The following FGFR4 variants were observed in gnomAD, a reference collection of about 807,000 sequenced individuals.
FGFR4 encodes hydroxyaryl-protein kinase.
Under a neutral mutation model 89.9 loss-of-function variants are expected in FGFR4, and 63 were observed. The observed-to-expected ratio is 0.70, with a 90% CI of 0.57 to 0.86. The LOEUF is 0.86. FGFR4 is among the 40% of genes least tolerant of loss of function. FGFR4 has a pLI of 0.00. For synonymous variants in FGFR4, 486 were observed against 479.4 expected (o/e 1.01, Z -0.18); for missense variants, 928 against 1,106.7 (o/e 0.84, Z 2.29).
Position 177,092,316 on chromosome 5 carries a change from C to T in FGFR4, c.728-5C>T, listed in dbSNP as rs753822131. 5 of 1,562,570 alleles carry T rather than the reference C, an allele frequency of 3.2e-6. 1 individual carries two copies. The South Asian group carries it at 5.8e-5, about 18-fold the overall frequency. On this transcript the variant is annotated splice_region_variant and splice_polypyrimidine_tract_variant and intron_variant, in intron 6 of 17. Transcript: ENST00000292408. Reference sequence around the variant, plus strand: ...TCAGGGTTGACTGTCTCGCCCGGTCCCCAGAGCGGTCCCCGCACCGGCCCA... The same window carrying T: ...TCAGGGTTGACTGTCTCGCCCGGTCTCCAGAGCGGTCCCCGCACCGGCCCA...
In FGFR4 at chr5:177,087,625, G is replaced by A; in HGVS notation, c.-54+548G>A. The A allele has an allele frequency of 2.0e-6, 2 of 985,338 alleles. No individual in the cohort carries two copies. Among genetic ancestry groups the A allele is most frequent in the Non-Finnish European group, 1.2e-6 (1 of 829,924 alleles). 61.0% of individuals were successfully genotyped at this position (985,338 alleles called of 1,614,324 possible). A position where few individuals can be genotyped will look rare whatever the true frequency, so the allele number is the denominator to read the frequency against. On this transcript the variant is annotated intron_variant, in intron 1 of 17. Transcript: ENST00000292408. This position sits in a 1 kb window ranked among gnomAD's most constrained non-coding sequence, Gnocchi z 6.1. The stretch of plus-strand genomic sequence containing the variant: ...ACTCGACTAAGGACTCTGATATCAG[G>A]GCAGCCTGGGGTAGGAATAAACTCC...
intron 5 of FGFR4, 145 bp downstream of exon 5, chr5:177,091,249 G>T: frequency 9.6e-7 from 1 of 1,037,824 alleles, no homozygotes; most frequent in Non-Finnish European, 1.4e-6. Flanking sequence ...GTGGACCTGG[G>T]CAGCTCTGGT....
At chr5:177,090,092 T>G in intron 2 of FGFR4, 1 of 673,360 alleles carries the variant, frequency 1.5e-6, no homozygotes, top group Non-Finnish European at 2.7e-6. Context: ...ACCAACAGCA[T>G]GTGCCTTGTG....
chr5:177,093,437 C>T lies in FGFR4; in HGVS notation c.1283C>T (p.Ser428Leu). ...CTGGAGTCAGGCTCTTCCGGCAAGT[C>T]AAGCTCATCCCTGGTACGAGGCGTG... ...FSLESGSSGKSSSSLVRGVRL... is the reference protein window; with the variant it reads ...FSLESGSSGKLSSSLVRGVRL... Residue 428 changes from serine (S) to leucine (L), a missense_variant, in exon 10 of 18, where the codon TCA (serine) becomes TTA (leucine). By Grantham distance (145) the Ser-to-Leu change is moderately radical. Transcript: ENST00000292408. This position sits in a 1 kb window ranked among gnomAD's most constrained non-coding sequence, Gnocchi z 5.8. 1 of 1,614,094 alleles carries T rather than the reference C, an allele frequency of 6.2e-7. No homozygotes were observed. The highest frequency in any genetic ancestry group is 1.3e-5 in the African/African-American group (1 of 75,066).
At position 177,092,303 on chromosome 5, in the gene FGFR4, G is replaced by A. The variant is rs2149733473; in HGVS notation, c.728-18G>A. On this transcript the variant is annotated intron_variant, in intron 6 of 17. Transcript: ENST00000292408. ...TGGGTGCCGGTGGTCAGGGTTGACT[G>A]TCTCGCCCGGTCCCCAGAGCGGTCC... The A allele has an allele frequency of 3.9e-6, 6 of 1,542,042 alleles. No homozygotes were observed. The highest frequency in any genetic ancestry group is 4.4e-6 in the Non-Finnish European group (5 of 1,140,418).
Position 177,096,322 on chromosome 5 carries a change from C to G in FGFR4, c.1980C>G (p.Ala660=). ...CTGTGAAGTGGATGGCGCCCGAGGC[C>G]TTGTTTGACCGGGTGTACACACACC... ...RLPVKWMAPE[A]LFDRVYTHQS... Residue 660 remains alanine, a synonymous_variant, in exon 15 of 18, where the codon GCC becomes GCG. Transcript: ENST00000292408. 2 of 1,614,080 alleles carry G rather than the reference C, an allele frequency of 1.2e-6. No individual in the cohort carries two copies. Among genetic ancestry groups the G allele is most frequent in the South Asian group, 2.2e-5 (2 of 91,076 alleles).
At position 177,093,452 on chromosome 5, in the gene FGFR4, T is replaced by TACGAGGCGTGCGTCTCTC; in HGVS notation, c.1299_1316dup (p.Arg434_Ser439dup). On this transcript the variant is annotated inframe_insertion, in exon 10 of 18. Coordinates refer to ENST00000292408, the MANE Select transcript of FGFR4 (RefSeq NM_213647.3). This position sits in a 1 kb window ranked among gnomAD's most constrained non-coding sequence, Gnocchi z 5.8. ...TCCGGCAAGTCAAGCTCATCCCTGGTACGAGGCGTGCGTCTCTCCTCCAGC... is the reference window on the plus strand; with the variant it reads ...TCCGGCAAGTCAAGCTCATCCCTGGTACGAGGCGTGCGTCTCTCACGAGGCGTGCGTCTCTCCTCCAGC... The TACGAGGCGTGCGTCTCTC allele has an allele frequency of 5.6e-6, 9 of 1,614,100 alleles. No homozygotes were observed. Among genetic ancestry groups the TACGAGGCGTGCGTCTCTC allele is most frequent in the Non-Finnish European group, 7.6e-6 (9 of 1,180,000 alleles).
At position 177,091,775 on chromosome 5, in the gene FGFR4, A is replaced by G; in HGVS notation, c.694A>G (p.Ser232Gly). 1.2e-6 allele frequency: 2 copies of G among 1,614,218 alleles called. No individual in the cohort carries two copies. The highest frequency in any genetic ancestry group is 1.7e-6 in the Non-Finnish European group (2 of 1,180,038). The change falls in exon 6 of 18, where the codon AGC becomes GGC. Residue 232 changes from serine (S) to glycine (G), a missense_variant. By Grantham distance (56) the Ser-to-Gly change is moderately conservative (BLOSUM62 0). Coordinates refer to ENST00000292408, the MANE Select transcript of FGFR4 (RefSeq NM_213647.3). ...YTCLVENAVGSIRYNYLLDVL... is the reference protein window; with the variant it reads ...YTCLVENAVGGIRYNYLLDVL... ...CTGCCTGGTAGAGAACGCTGTGGGC[A>G]GCATCCGCTATAACTACCTGCTAGA...
At position 177,095,981 on chromosome 5, in the gene FGFR4, C is replaced by CG; in HGVS notation, c.1822-73dup. Reference sequence around the variant, plus strand: ...AAAGTGGGTGGAGGGCCCCTGCCCCCGGGCCTGCTGGGGGGTGGTGTGTGC... The same window carrying CG: ...AAAGTGGGTGGAGGGCCCCTGCCCCCGGGGCCTGCTGGGGGGTGGTGTGTGC... On this transcript the variant is annotated intron_variant, in intron 13 of 17. Transcript: ENST00000292408. The surrounding 1 kb of genome is among the most constrained non-coding windows in gnomAD (Gnocchi z 5.7). 6.5e-7 allele frequency: 1 copy of CG among 1,544,702 alleles called. No homozygotes were observed. Among genetic ancestry groups the CG allele is most frequent in the Non-Finnish European group, 8.7e-7 (1 of 1,145,714 alleles).
Position 177,095,025 on chromosome 5 carries a change from A to C in FGFR4, c.1520-305A>C. The C allele has an allele frequency of 2.8e-6, 1 of 354,456 alleles. No individual in the cohort carries two copies. The allele number at this position is 354,456 out of a possible 1,614,324, so 22.0% of individuals were successfully genotyped here. On this transcript the variant is annotated intron_variant, in intron 11 of 17. Transcript: ENST00000292408. The surrounding 1 kb of genome is among the most constrained non-coding windows in gnomAD (Gnocchi z 5.7). ...GCTTCCTTCCTTCCTTCCTGCTCCG[A>C]GCTCTTCCCCTCTCTCCTGTGTCCT...
At chr5:177,091,539 C>G in intron 5 of FGFR4, 146 bp from the exon 6 acceptor site, 1 of 1,174,874 alleles carries the variant, frequency 8.5e-7, no homozygotes, top group Non-Finnish European at 1.2e-6. Flanking sequence ...TCCTTTGTGC[C>G]ATAGTCCTTG....
rs2149732840 is a variant in FGFR4 at position 177,091,710 on chromosome 5, T to C, written c.629T>C (p.Val210Ala). The C allele has an allele frequency of 6.2e-7, 1 of 1,614,158 alleles. No individual in the cohort carries two copies. The highest frequency in any genetic ancestry group is 8.5e-7 in the Non-Finnish European group (1 of 1,180,024). ...CTGCGCCATCAGCACTGGAGTCTCGTGATGGAGAGCGTGGTGCCCTCGGAC... is the reference window on the plus strand; with the variant it reads ...CTGCGCCATCAGCACTGGAGTCTCGCGATGGAGAGCGTGGTGCCCTCGGAC... Reference protein sequence around the residue: ...IRLRHQHWSLVMESVVPSDRG... With the variant: ...IRLRHQHWSLAMESVVPSDRG... The change falls in exon 6 of 18, where the codon GTG becomes GCG. Residue 210 changes from valine (V) to alanine (A), a missense_variant. Around this residue, in one of 5 missense-constraint regions of FGFR4, gnomAD observed 741 missense variants for 836.9 expected, o/e 0.89. Coordinates refer to ENST00000292408, the MANE Select transcript of FGFR4 (RefSeq NM_213647.3).
intron 16 of FGFR4, 106 bp downstream of exon 16, chr5:177,096,847 A>G: frequency 1.7e-6 from 2 of 1,158,632 alleles, no homozygotes; most frequent in Non-Finnish European, 2.3e-6. Flanking sequence ...ACTAACAACA[A>G]CTCCTCGTCC....
chr5:177,095,614 A>T lies in FGFR4; in HGVS notation c.1712A>T (p.Asp571Val), dbSNP rs777297736. 9 of 1,604,914 alleles carry T rather than the reference A, an allele frequency of 5.6e-6. No individual in the cohort carries two copies. In the African/African-American group the frequency reaches 9.4e-5, roughly 17 times the overall value. Reference sequence around the variant, plus strand: ...CGGGCCCGGCGCCCCCCAGGCCCCGACCTCAGCCCCGACGGTCCTCGGAGC... The same window carrying T: ...CGGGCCCGGCGCCCCCCAGGCCCCGTCCTCAGCCCCGACGGTCCTCGGAGC... ...FLRARRPPGP[D>V]LSPDGPRSSE... The change falls in exon 13 of 18, where the codon GAC (aspartate) becomes GTC (valine). Residue 571 changes from aspartate to valine, a missense_variant. Transcript: ENST00000292408. The surrounding 1 kb of genome is among the most constrained non-coding windows in gnomAD (Gnocchi z 5.7).
chr5:177,091,783 C>T lies in FGFR4; in HGVS notation c.702C>T (p.Arg234=), dbSNP rs452885. 0.77 allele frequency: 1,242,565 copies of T among 1,613,994 alleles called. 481,490 individuals carry two copies. Among genetic ancestry groups the T allele is most frequent in the East Asian group, 1 (44,839 of 44,874 alleles). Reference sequence around the variant, plus strand: ...TAGAGAACGCTGTGGGCAGCATCCGCTATAACTACCTGCTAGATGTGCTGG... The same window carrying T: ...TAGAGAACGCTGTGGGCAGCATCCGTTATAACTACCTGCTAGATGTGCTGG... ...CLVENAVGSI[R]YNYLLDVLER... is the part of the protein sequence containing the mutation. The change falls in exon 6 of 18, where the codon CGC becomes CGT. Residue 234 remains arginine (R), a synonymous_variant. Transcript: ENST00000292408.
chr5:177,095,780 T>G lies in FGFR4; in HGVS notation c.1821+57T>G. The G allele has an allele frequency of 6.8e-7, 1 of 1,470,504 alleles. No individual in the cohort carries two copies. Among genetic ancestry groups the G allele is most frequent in the Non-Finnish European group, 9.1e-7 (1 of 1,104,442 alleles). The allele number at this position is 1,470,504 out of a possible 1,614,324, so 91.1% of individuals were successfully genotyped here. ...GTCTCTCCAGCTCCACTCTCAGGCC[T>G]GTGGCATTCAATGTCCCGACTTCTC... On this transcript the variant is annotated intron_variant, in intron 13 of 17. Transcript: ENST00000292408. This position sits in a 1 kb window ranked among gnomAD's most constrained non-coding sequence, Gnocchi z 5.7.
chr5:177,095,716 C>T lies in FGFR4; in HGVS notation c.1814C>T (p.Ser605Phe), dbSNP rs1241270509. 1.9e-6 allele frequency: 3 copies of T among 1,604,140 alleles called. No homozygotes were observed. The highest frequency in any genetic ancestry group is 1.7e-5 in the Admixed American group (1 of 58,738). Residue 605 changes from serine (S) to phenylalanine (F), a missense_variant, in exon 13 of 18, where the codon TCC becomes TTC. Around this residue, in one of 5 missense-constraint regions of FGFR4, gnomAD observed 741 missense variants for 836.9 expected, o/e 0.89. Transcript: ENST00000292408. The surrounding 1 kb of genome is among the most constrained non-coding windows in gnomAD (Gnocchi z 5.7). The stretch of plus-strand genomic sequence containing the variant: ...GCCCGAGGCATGCAGTATCTGGAGT[C>T]CCGGAAGGTACAGGCGCTAGGGCTC... ...QVARGMQYLE[S>F]RKCIHRDLAA...
chr5:177,092,223 A>C, intron 6 of FGFR4, 98 bp from the exon 7 acceptor site: 1 of 1,249,666 alleles, frequency 8.0e-7, no homozygotes. Flanking sequence ...AGCTGCAGAA[A>C]GGTCCCTCCC....
chr5:177,093,910 A>C lies in FGFR4; in HGVS notation c.1519+135A>C. 9.3e-7 allele frequency: 1 copy of C among 1,073,650 alleles called. No homozygotes were observed. The highest frequency in any genetic ancestry group is 1.7e-5 in the South Asian group (1 of 59,080). 66.5% of individuals were successfully genotyped at this position (1,073,650 alleles called of 1,614,324 possible). ...GGCAAGACTTCATCTCTACAAAAAA[A>C]AAATAAGAAAATTAGTTGGGTGTGG... is the stretch of plus-strand genomic sequence containing the variant. On this transcript the variant is annotated intron_variant, in intron 11 of 17. Coordinates refer to ENST00000292408, the MANE Select transcript of FGFR4 (RefSeq NM_213647.3). The surrounding 1 kb of genome is among the most constrained non-coding windows in gnomAD (Gnocchi z 5.8).
Sources: gnomAD v4.1 joint callset for allele counts on GRCh38, gnomAD v4.1.1 for gene constraint, gnomAD v4.1.1 regional missense constraint, Gnocchi (gnomAD v3.1) non-coding constraint, MANE v1.5 for transcripts, NCBI Gene and HGNC (gene_info 2026-07-23, HGNC 2026-07-21) for gene names.